Variants in CHN2 observed in about 807,000 individuals in gnomAD.
CHN2 encodes beta-chimaerin.
In CHN2, 35 loss-of-function variants were observed where a neutral mutation model predicts 56.3. That is an observed-to-expected ratio of 0.62 (90% CI 0.47 to 0.82). The LOEUF (loss-of-function observed/expected upper bound fraction) is 0.82. Among genes scored for constraint, CHN2 ranks in the 40% least tolerant of loss-of-function variants. The pLI, the probability that CHN2 is intolerant of heterozygous loss-of-function variation, is 0.00. For synonymous variants in CHN2, 210 were observed against 212.8 expected, an observed-to-expected ratio of 0.99 and a Z score of 0.12; for missense variants, 491 against 580.5, an observed-to-expected ratio of 0.85 and a Z score of 1.58.
intron 6 of CHN2, among the ~76,000 whole-genome samples, chr7:29,448,832 G>C (rs575576461): frequency 2.0e-5 from 3 of 152,294 alleles, no homozygotes; most frequent in African/African-American, 7.2e-5. Flanking sequence ...AGCAGTTATT[G>C]CTCTGTATTA....
At chr7:29,248,294 C>T (rs1457518931) in intron 1 of CHN2, among the ~76,000 whole-genome samples, 2 of 152,208 alleles carry the variant, frequency 1.3e-5, no homozygotes, top group East Asian at 1.9e-4. Context: ...GACTGGCAGC[C>T]ACATGGGACA....
chr7:29,367,532 T>G (rs1046319633), intron 2 of CHN2, among the ~76,000 whole-genome samples: 4 of 152,180 alleles, frequency 2.6e-5, no homozygotes, highest in Non-Finnish European at 4.4e-5. Context: ...TCCTGGTATG[T>G]CAAGAGACAT....
intron 2 of CHN2, among the ~76,000 whole-genome samples, chr7:29,157,571 A>C (rs1794577880): frequency 6.6e-6 from 1 of 152,212 alleles, no homozygotes; most frequent in Non-Finnish European, 1.5e-5. Context: ...AAGTATGAAA[A>C]TATCACCCTA....
At chr7:29,299,812 T>C (rs548298614) in intron 1 of CHN2, among the ~76,000 whole-genome samples, 1 of 152,236 alleles carries the variant, frequency 6.6e-6, no homozygotes, top group South Asian at 2.1e-4. Context: ...TAGAAAGCAT[T>C]TTAAGAAACA....
chr7:29,220,105 A>G (rs1231753700), intron 1 of CHN2, among the ~76,000 whole-genome samples: 1 of 151,884 alleles, frequency 6.6e-6, no homozygotes. Context: ...AAAAAAAGGA[A>G]AAGTTGAAAA....
In CHN2 at chr7:29,338,785, G is replaced by A. The variant is rs769481562; in HGVS notation, c.50-15840G>A. ...AGTAGAGACAGGGTTTCACCACGTT[G>A]GCCAGGCTGGTCTTGAACTTTTGAC... On this transcript the variant is annotated intron_variant, in intron 1 of 12. Transcript: ENST00000222792. Among the ~76,000 whole-genome samples, 11 of 152,110 alleles carry A rather than the reference G, an allele frequency of 7.2e-5. 1 individual carries two copies. The highest frequency in any genetic ancestry group is 2.0e-4 in the Admixed American group (3 of 15,272).
At position 29,314,389 on chromosome 7, in the gene CHN2, G is replaced by A. The variant is rs191550652; in HGVS notation, c.50-40236G>A. 4.6e-5 allele frequency among the ~76,000 whole-genome samples: 7 copies of A among 152,282 alleles called. No individual in the cohort carries two copies. The East Asian group carries it at 9.7e-4, about 21-fold the overall frequency. ...GATTTTCAGAGGCTGGAGTGAGGGA[G>A]GAATGGAGATTGGTTGTTTAATTGG... is the stretch of plus-strand genomic sequence containing the variant. On this transcript the variant is annotated intron_variant, in intron 1 of 12. Coordinates refer to ENST00000222792, the MANE Select transcript of CHN2 (RefSeq NM_004067.4).
chr7:29,187,290 G>A (rs543459878), intron 2 of CHN2, among the ~76,000 whole-genome samples: 1 of 152,178 alleles, frequency 6.6e-6, no homozygotes, highest in South Asian at 2.1e-4. Flanking sequence ...GGGACTGGGT[G>A]GGGAAATGTC....
At chr7:29,478,583 G>A (rs1023171606) in intron 6 of CHN2, among the ~76,000 whole-genome samples, 3 of 152,196 alleles carry the variant, frequency 2.0e-5, no homozygotes, top group African/African-American at 4.8e-5. Flanking sequence ...GAGCATGGGC[G>A]CTGGACACAG....
chr7:29,356,483 T>C (rs867639427), intron 2 of CHN2, among the ~76,000 whole-genome samples: 2 of 152,214 alleles, frequency 1.3e-5, no homozygotes, highest in Admixed American at 6.5e-5. Flanking sequence ...CCTTTCCCAG[T>C]AGCTGAGCTC....
At chr7:29,170,391 G>C (rs973791532) in intron 2 of CHN2, among the ~76,000 whole-genome samples, 13 of 152,064 alleles carry the variant, frequency 8.5e-5, no homozygotes, top group Non-Finnish European at 1.6e-4. Flanking sequence ...GTAAAACATT[G>C]TTCCATTTGA....
intron 2 of CHN2, among the ~76,000 whole-genome samples, chr7:29,176,595 C>A (rs1223328815): frequency 6.6e-6 from 1 of 152,014 alleles, no homozygotes; most frequent in African/African-American, 2.4e-5. Flanking sequence ...TACTAAGACA[C>A]CCTTACAAAG....
At chr7:29,273,657 T>A (rs1790942826) in intron 1 of CHN2, among the ~76,000 whole-genome samples, 1 of 152,014 alleles carries the variant, frequency 6.6e-6, no homozygotes, top group Admixed American at 6.6e-5. Flanking sequence ...GGTTTTCCTT[T>A]TCTCCCTATT....
intron 1 of CHN2, among the ~76,000 whole-genome samples, chr7:29,228,866 T>C (rs1489785667): frequency 6.6e-6 from 1 of 152,162 alleles, no homozygotes; most frequent in African/African-American, 2.4e-5. Flanking sequence ...GCCAAAAAAA[T>C]GGGCCTCTGG....
At chr7:29,279,500 C>G (rs1169422696) in intron 1 of CHN2, among the ~76,000 whole-genome samples, 4 of 152,266 alleles carry the variant, frequency 2.6e-5, no homozygotes, top group African/African-American at 9.6e-5. Flanking sequence ...GGAATACCTT[C>G]ACTAGAGAAA....
chr7:29,321,481 A>T (rs1795342392), intron 1 of CHN2, among the ~76,000 whole-genome samples: 1 of 152,244 alleles, frequency 6.6e-6, no homozygotes, highest in Non-Finnish European at 1.5e-5. Flanking sequence ...CACCCAGCTC[A>T]TGAGTAGTAG....
At chr7:29,204,065 CTCTGTGTG>C (rs780173537) in intron 1 of CHN2, among the ~76,000 whole-genome samples, 1,982 of 135,968 alleles carry the variant, frequency 0.015, 27 homozygotes, top group African/African-American at 0.028. Flanking sequence ...TTTTCTCTCT[CTCTGTGTG>C]TGTGTGTGTG....
chr7:29,352,462 C>G (rs905265387), intron 1 of CHN2, among the ~76,000 whole-genome samples: 12 of 152,098 alleles, frequency 7.9e-5, no homozygotes, highest in Admixed American at 7.9e-4. Context: ...TGGCTCATGC[C>G]TGTAATCCCA....
At chr7:29,452,384 G>A (rs959598497) in intron 6 of CHN2, among the ~76,000 whole-genome samples, 1 of 152,188 alleles carries the variant, frequency 6.6e-6, no homozygotes, top group African/African-American at 2.4e-5. Context: ...GGTGTGTGAA[G>A]GCAGAGCCGG....
Sources: allele counts gnomAD v4.1 joint callset (sites outside exome capture counted in the v4.1 genomes callset), GRCh38; gene constraint gnomAD v4.1.1; transcripts MANE v1.5; gene names NCBI Gene and HGNC (gene_info 2026-07-23, HGNC 2026-07-21).